CDH13: variants seen among roughly 807,000 people sequenced by gnomAD.
The protein encoded by CDH13 is cadherin-13.
Under a neutral mutation model 63.8 loss-of-function variants are expected in CDH13, and 24 were observed. The ratio of observed to expected loss-of-function variants is 0.38; its 90% CI spans 0.27 to 0.53. CDH13 has a LOEUF of 0.53. CDH13 is among the 20% of genes least tolerant of loss of function. CDH13 has a pLI of 0.85. For synonymous variants in CDH13, 503 were observed against 355.3 expected, an observed-to-expected ratio of 1.42 and a Z score of -4.67; for missense variants, 1,049 against 903.1, an observed-to-expected ratio of 1.16 and a Z score of -2.07.
At chr16:82,919,549 T>C (rs1222756485) in intron 2 of CDH13, among the ~76,000 whole-genome samples, 1 of 152,236 alleles carries the variant, frequency 6.6e-6, no homozygotes, top group Non-Finnish European at 1.5e-5. Flanking sequence ...CTTGTTCTTT[T>C]CTATGGCTGC....
chr16:83,077,432 A>T lies in CDH13; in HGVS notation c.366+45214A>T, dbSNP rs1463088413. Among the ~76,000 whole-genome samples, 3 of 151,688 alleles carry T rather than the reference A, an allele frequency of 2.0e-5. No individual in the cohort carries two copies. The East Asian group carries it at 5.8e-4, about 29-fold the overall frequency. On this transcript the variant is annotated intron_variant, in intron 3 of 13. Coordinates refer to ENST00000567109, the MANE Select transcript of CDH13 (RefSeq NM_001257.5). ...GGTCTCGAACTCCTGACCTCAAGTG[A>T]TCTGCCCACTTTGGCCTCCCAAAGT...
intron 7 of CDH13, among the ~76,000 whole-genome samples, chr16:83,524,554 G>T (rs933207589): frequency 4.4e-5 from 6 of 136,194 alleles, no homozygotes; most frequent in African/African-American, 1.6e-4. Context: ...CTGGGTTCAC[G>T]CCATTCTCCT....
intron 9 of CDH13, among the ~76,000 whole-genome samples, chr16:83,675,192 T>C (rs1293942821): frequency 2.6e-5 from 4 of 152,212 alleles, no homozygotes; most frequent in African/African-American, 9.6e-5. Flanking sequence ...GATTGTGTGC[T>C]TTGTGAGATC....
intron 10 of CDH13, among the ~76,000 whole-genome samples, chr16:83,723,713 T>C (rs1909991300): frequency 6.6e-6 from 1 of 152,258 alleles, no homozygotes; most frequent in South Asian, 2.1e-4. Context: ...ATGATCTCCC[T>C]TCCTCTTGTA....
chr16:83,777,881 A>G (rs374035253), intron 11 of CDH13, among the ~76,000 whole-genome samples: 13 of 152,240 alleles, frequency 8.5e-5, no homozygotes, highest in Admixed American at 4.6e-4. Context: ...GATTAGAAAA[A>G]TAAAAGAAAG....
At chr16:83,104,918 T>TA (rs1272405142) in intron 3 of CDH13, among the ~76,000 whole-genome samples, 1 of 152,192 alleles carries the variant, frequency 6.6e-6, no homozygotes, top group Non-Finnish European at 1.5e-5. Context: ...TTTTCGTAAA[T>TA]ACAAGGGCAG....
In CDH13 at chr16:83,022,665, C is replaced by G. The variant is rs1041732211; in HGVS notation, c.158-9345C>G. 4.6e-5 allele frequency among the ~76,000 whole-genome samples: 7 copies of G among 152,288 alleles called. No individual in the cohort carries two copies. The East Asian group carries it at 1.4e-3, about 29-fold the overall frequency. ...GGGAGGGCTACAACTTCCAGGGTGA[C>G]TGATTCAGAGCCTGTAATTCTGATT... On this transcript the variant is annotated intron_variant, in intron 2 of 13. Coordinates refer to ENST00000567109, the MANE Select transcript of CDH13 (RefSeq NM_001257.5).
At chr16:83,502,317 G>C (rs570258355) in intron 7 of CDH13, among the ~76,000 whole-genome samples, 1 of 152,136 alleles carries the variant, frequency 6.6e-6, no homozygotes, top group Non-Finnish European at 1.5e-5. Context: ...ATGCTCTAGT[G>C]CTGGCTTTGA....
intron 8 of CDH13, among the ~76,000 whole-genome samples, chr16:83,648,965 C>G (rs1397310205): frequency 6.6e-6 from 1 of 152,242 alleles, no homozygotes; most frequent in African/African-American, 2.4e-5. Context: ...ACACCACCTA[C>G]TATGCTATCT....
intron 4 of CDH13, among the ~76,000 whole-genome samples, chr16:83,184,123 C>CAT (rs2038436893): frequency 6.9e-6 from 1 of 144,314 alleles, no homozygotes; most frequent in African/African-American, 2.7e-5. Flanking sequence ...CACACACACA[C>CAT]ACATACACAC....
chr16:82,872,001 A>T (rs903130429), intron 2 of CDH13, among the ~76,000 whole-genome samples: 1 of 152,238 alleles, frequency 6.6e-6, no homozygotes, highest in African/African-American at 2.4e-5. Flanking sequence ...TATATCCAAG[A>T]AAATTCTGTA....
At chr16:83,503,081 C>G (rs12444544) in intron 7 of CDH13, among the ~76,000 whole-genome samples, 46,949 of 152,110 alleles carry the variant, frequency 0.31, 7,281 homozygotes, top group Admixed American at 0.35. Context: ...TCCTTGCCTC[C>G]TAGATCTGTA....
intron 1 of CDH13, among the ~76,000 whole-genome samples, chr16:82,856,652 C>T (rs550265840): frequency 1.7e-5 from 2 of 117,746 alleles, no homozygotes; most frequent in Admixed American, 2.3e-4. Context: ...CAGTGAGCCA[C>T]AGTTGCACTC....
intron 11 of CDH13, among the ~76,000 whole-genome samples, chr16:83,775,674 A>T (rs917296205): frequency 6.6e-6 from 1 of 151,990 alleles, no homozygotes. Flanking sequence ...AGATCGTGCC[A>T]CACTGCACTG....
At chr16:83,092,317 A>G (rs10468369) in intron 3 of CDH13, among the ~76,000 whole-genome samples, 11,397 of 152,238 alleles carry the variant, frequency 0.075, 1,405 homozygotes, top group African/African-American at 0.26. Context: ...TGATTTGTAT[A>G]ACCTTTGTCT....
At chr16:83,367,062 T>A (rs1169160194) in intron 6 of CDH13, among the ~76,000 whole-genome samples, 1 of 152,194 alleles carries the variant, frequency 6.6e-6, no homozygotes, top group Non-Finnish European at 1.5e-5. Flanking sequence ...ATCGCCACAA[T>A]CAATTTTAGA....
chr16:83,265,054 T>G (rs1189070433), intron 5 of CDH13, among the ~76,000 whole-genome samples: 1 of 152,250 alleles, frequency 6.6e-6, no homozygotes, highest in Non-Finnish European at 1.5e-5. Context: ...TATTTTTTAT[T>G]AAATCCTATG....
intron 4 of CDH13, among the ~76,000 whole-genome samples, chr16:83,180,071 G>A (rs1223407147): frequency 6.6e-6 from 1 of 152,036 alleles, no homozygotes; most frequent in Non-Finnish European, 1.5e-5. Context: ...AGAAAACACA[G>A]AGACCTTGGA....
At chr16:83,004,386 T>C (rs980745823) in intron 2 of CDH13, among the ~76,000 whole-genome samples, 2 of 152,186 alleles carry the variant, frequency 1.3e-5, no homozygotes, top group Non-Finnish European at 2.9e-5. Flanking sequence ...TAATAAAGAA[T>C]GCTACAAAAA....
Sources: allele counts gnomAD v4.1 joint callset (sites outside exome capture counted in the v4.1 genomes callset), GRCh38; gene constraint gnomAD v4.1.1; transcripts MANE v1.5; gene names NCBI Gene and HGNC (gene_info 2026-07-23, HGNC 2026-07-21).